ATXN7L1: variants seen among roughly 807,000 people sequenced by gnomAD.
ATXN7L1 encodes the protein ataxin-7-like protein 1.
In ATXN7L1, 15 loss-of-function variants were observed where a neutral mutation model predicts 70.8. That is an observed-to-expected ratio of 0.21 (90% CI 0.14 to 0.33). The LOEUF (loss-of-function observed/expected upper bound fraction) is 0.33. Among genes scored for constraint, ATXN7L1 ranks in the 10% least tolerant of loss-of-function variants. The pLI is 1.00. For synonymous variants in ATXN7L1, 440 were observed against 445.1 expected, an observed-to-expected ratio of 0.99 and a Z score of 0.14; for missense variants, 975 against 1,097.1, an observed-to-expected ratio of 0.89 and a Z score of 1.57.
chr7:105,832,508 C>G (rs1036546664), intron 2 of ATXN7L1, among the ~76,000 whole-genome samples: 1 of 152,174 alleles, frequency 6.6e-6, no homozygotes, highest in East Asian at 1.9e-4. Context: ...AAATCGATTA[C>G]TTTTCCAAAG....
At chr7:105,813,805 ATC>A (rs890044507) in intron 2 of ATXN7L1, among the ~76,000 whole-genome samples, 12 of 151,356 alleles carry the variant, frequency 7.9e-5, no homozygotes, top group Admixed American at 4.6e-4. Flanking sequence ...AAGCAATTCT[ATC>A]TCTCTCTCTC....
intron 3 of ATXN7L1, among the ~76,000 whole-genome samples, chr7:105,708,002 G>A (rs1793390035): frequency 6.6e-6 from 1 of 152,220 alleles, no homozygotes; most frequent in Non-Finnish European, 1.5e-5. Context: ...TTGCAACAAA[G>A]ATGGGTATAA....
chr7:105,735,470 G>A (rs1489594444), intron 3 of ATXN7L1, among the ~76,000 whole-genome samples: 1 of 152,192 alleles, frequency 6.6e-6, no homozygotes, highest in Non-Finnish European at 1.5e-5. Flanking sequence ...GATAGGCATA[G>A]AGACCTTTGC....
intron 2 of ATXN7L1, among the ~76,000 whole-genome samples, chr7:105,842,048 G>A (rs149141163): frequency 5.9e-5 from 9 of 152,222 alleles, no homozygotes; most frequent in African/African-American, 2.2e-4. Flanking sequence ...GAATTCTTTG[G>A]CTCCCAGACC....
chr7:105,850,764 C>T (rs778621239), intron 2 of ATXN7L1, among the ~76,000 whole-genome samples: 43 of 152,162 alleles, frequency 2.8e-4, no homozygotes, highest in Non-Finnish European at 5.6e-4. Context: ...AAGAGAGTCC[C>T]TCTCAGGAGC....
intron 3 of ATXN7L1, among the ~76,000 whole-genome samples, chr7:105,689,534 C>CT (rs1418715890): frequency 6.6e-6 from 1 of 152,150 alleles, no homozygotes; most frequent in African/African-American, 2.4e-5. Context: ...ATTGACACAG[C>CT]TGGGGGCAGC....
At chr7:105,842,557 G>A (rs1813382292) in intron 2 of ATXN7L1, among the ~76,000 whole-genome samples, 1 of 151,816 alleles carries the variant, frequency 6.6e-6, no homozygotes, top group African/African-American at 2.4e-5. Flanking sequence ...GCCTTTTTTT[G>A]GCTGAATAAT....
chr7:105,852,737 A>C (rs934343621), intron 2 of ATXN7L1, among the ~76,000 whole-genome samples: 3 of 151,782 alleles, frequency 2.0e-5, no homozygotes, highest in African/African-American at 7.3e-5. Context: ...TCACAGATAG[A>C]AACAGGTATA....
At position 105,793,170 on chromosome 7, in the gene ATXN7L1, T is replaced by C. The variant is rs905354246; in HGVS notation, c.251-4462A>G. On this transcript the variant is annotated intron_variant, in intron 2 of 11. Transcript: ENST00000419735. ...AACCAGTTTGGAAGGGCTTCCTGGA[T>C]GACTAACAGGCTGTCCTGAGGCTCT... Among the ~76,000 whole-genome samples the C allele has an allele frequency of 2.7e-4, 41 of 152,348 alleles. 1 individual carries two copies. The highest frequency in any genetic ancestry group is 9.9e-4 in the African/African-American group (41 of 41,590).
In ATXN7L1 at chr7:105,639,480, G is replaced by A; in HGVS notation, c.945+7C>T. Reference sequence around the variant, plus strand: ...GCAGGAAGTATTTTTTATGGAAAGAGAAATACCTTGCAGGTGAGGGATCTT... The same window carrying A: ...GCAGGAAGTATTTTTTATGGAAAGAAAAATACCTTGCAGGTGAGGGATCTT... On this transcript the variant is annotated splice_region_variant and intron_variant, in intron 6 of 11. Coordinates refer to ENST00000419735, the MANE Select transcript of ATXN7L1 (RefSeq NM_020725.2). The A allele has an allele frequency of 6.5e-7, 1 of 1,546,516 alleles. No individual in the cohort carries two copies. The highest frequency in any genetic ancestry group is 8.8e-7 in the Non-Finnish European group (1 of 1,142,370).
intron 3 of ATXN7L1, among the ~76,000 whole-genome samples, chr7:105,710,022 G>T (rs1291405552): frequency 3.3e-5 from 5 of 152,008 alleles, no homozygotes; most frequent in Non-Finnish European, 7.4e-5. Flanking sequence ...ACAGGTGTTT[G>T]TCACCACACC....
chr7:105,787,737 C>T (rs546031779), intron 3 of ATXN7L1, among the ~76,000 whole-genome samples: 1 of 152,180 alleles, frequency 6.6e-6, no homozygotes, highest in East Asian at 1.9e-4. Flanking sequence ...TTTTTTTAGG[C>T]ACAATAGAAT....
At chr7:105,682,809 A>C (rs1192060208) in intron 3 of ATXN7L1, among the ~76,000 whole-genome samples, 4 of 152,220 alleles carry the variant, frequency 2.6e-5, no homozygotes, top group African/African-American at 9.7e-5. Flanking sequence ...ATAACTGCTT[A>C]ATGGGTATGA....
At chr7:105,630,719 AAAATAAATAAATAAAT>A (rs144429337) in intron 7 of ATXN7L1, among the ~76,000 whole-genome samples, 1 of 148,498 alleles carries the variant, frequency 6.7e-6, no homozygotes, top group Non-Finnish European at 1.5e-5. Context: ...CCTGTCTCAA[AAAATAAATAAATAAAT>A]AAATAAATAA....
Position 105,852,392 on chromosome 7 carries a change from C to T in ATXN7L1, c.250+23420G>A, listed in dbSNP as rs1036510801. ...ACCTCTGCCCAGCAATCTGCTGCCT[C>T]CTCCCTGGAAAGCAAAAGCACTAGT... On this transcript the variant is annotated intron_variant, in intron 2 of 11. Coordinates refer to ENST00000419735, the MANE Select transcript of ATXN7L1 (RefSeq NM_020725.2). Among the ~76,000 whole-genome samples the T allele has an allele frequency of 3.9e-5, 6 of 152,308 alleles. No homozygotes were observed. The South Asian group carries it at 8.3e-4, about 21-fold the overall frequency.
At chr7:105,688,090 C>T (rs1171304108) in intron 3 of ATXN7L1, among the ~76,000 whole-genome samples, 2 of 152,142 alleles carry the variant, frequency 1.3e-5, no homozygotes, top group Admixed American at 1.3e-4. Context: ...GATTTATAGC[C>T]TTGTTGTTGC....
At chr7:105,640,131 G>A (rs1180342467) in intron 5 of ATXN7L1, among the ~76,000 whole-genome samples, 1 of 152,168 alleles carries the variant, frequency 6.6e-6, no homozygotes, top group Non-Finnish European at 1.5e-5. Context: ...AGCTCTCGGC[G>A]CAGGCTTTGC....
Position 105,614,709 on chromosome 7 carries a change from T to C in ATXN7L1, c.1625A>G (p.Tyr542Cys). 1 of 1,551,598 alleles carries C rather than the reference T, an allele frequency of 6.4e-7. No homozygotes were observed. Among genetic ancestry groups the C allele is most frequent in the South Asian group, 1.2e-5 (1 of 84,058 alleles). The change falls in exon 10 of 12, where the codon TAT becomes TGT. Residue 542 changes from tyrosine (Y) to cysteine (C), a missense_variant. Around this residue, in one of 5 missense-constraint regions of ATXN7L1, gnomAD observed 635 missense variants for 699.4 expected, o/e 0.91. Transcript: ENST00000419735. The surrounding 1 kb of genome is among the most constrained non-coding windows in gnomAD (Gnocchi z 4.3). ...LQPFSNPSAV[Y>C]LPSAPISSRL... ...CGAGCTGATGGGAGCTGAAGGAAGA[T>C]ACACAGCACTGGGGTTGCTGAAAGG... is the stretch of plus-strand genomic sequence containing the variant.
At chr7:105,649,709 T>G in intron 4 of ATXN7L1, 7 of 458,486 alleles carry the variant, frequency 1.5e-5, no homozygotes, top group Non-Finnish European at 2.0e-5. Flanking sequence ...CTTAAGAGAA[T>G]GGTTCTGAAT....
Sources: allele counts gnomAD v4.1 joint callset (sites outside exome capture counted in the v4.1 genomes callset), GRCh38; gene constraint gnomAD v4.1.1; regional missense constraint gnomAD v4.1.1; non-coding constraint Gnocchi (gnomAD v3.1); transcripts MANE v1.5; gene names NCBI Gene and HGNC (gene_info 2026-07-23, HGNC 2026-07-21).